MAML3: variants seen among roughly 807,000 people sequenced by gnomAD.
The protein encoded by MAML3 is mastermind-like protein 3.
Under a neutral mutation model 101.9 loss-of-function variants are expected in MAML3, and 27 were observed. That is an observed-to-expected ratio of 0.27 (90% confidence interval 0.20 to 0.37). MAML3 has a LOEUF of 0.37. MAML3 is among the 10% of genes least tolerant of loss of function. The probability of loss-of-function intolerance (pLI) is 1.00; values close to 1 mark genes in which losing one functional copy is unlikely to be tolerated. For synonymous variants in MAML3, 501 were observed against 555.9 expected, an observed-to-expected ratio of 0.90 and a Z score of 1.39; for missense variants, 1,316 against 1,444.9, an observed-to-expected ratio of 0.91 and a Z score of 1.45.
chr4:139,995,982 T>C (rs970819039), intron 1 of MAML3, among the ~76,000 whole-genome samples: 1 of 152,110 alleles, frequency 6.6e-6, no homozygotes, highest in Non-Finnish European at 1.5e-5. Context: ...TTTTAATATG[T>C]TGTGTTTTCA....
At chr4:139,978,396 T>C (rs1734383133) in intron 1 of MAML3, among the ~76,000 whole-genome samples, 1 of 152,100 alleles carries the variant, frequency 6.6e-6, no homozygotes, top group Admixed American at 6.5e-5. Context: ...AGGAAGCCTG[T>C]TGGAGTGAGC....
chr4:139,998,537 T>C (rs1205078103), intron 1 of MAML3, among the ~76,000 whole-genome samples: 3 of 152,220 alleles, frequency 2.0e-5, no homozygotes, highest in Admixed American at 6.5e-5. Context: ...TGAACACATT[T>C]GTAACAGTTT....
At chr4:139,743,049 A>G (rs1729215044) in intron 2 of MAML3, among the ~76,000 whole-genome samples, 1 of 152,096 alleles carries the variant, frequency 6.6e-6, no homozygotes, top group Admixed American at 6.5e-5. Context: ...TTTTTCCCCA[A>G]AAGCTTTCTG....
At chr4:140,152,267 ACT>A (rs1729186455) in intron 1 of MAML3, among the ~76,000 whole-genome samples, 1 of 151,778 alleles carries the variant, frequency 6.6e-6, no homozygotes, top group Non-Finnish European at 1.5e-5. Context: ...CATTCACAAA[ACT>A]CTCAGACTTT....
At chr4:139,804,319 T>C (rs957806640) in intron 2 of MAML3, among the ~76,000 whole-genome samples, 4 of 151,032 alleles carry the variant, frequency 2.6e-5, no homozygotes, top group Non-Finnish European at 5.9e-5. Flanking sequence ...CAGGCTGGAG[T>C]GCAATGGCGT....
At chr4:139,953,816 T>C (rs1475268085) in intron 1 of MAML3, among the ~76,000 whole-genome samples, 2 of 152,196 alleles carry the variant, frequency 1.3e-5, no homozygotes, top group Admixed American at 1.3e-4. Flanking sequence ...ATTCCTATAC[T>C]GCATCTGAAT....
chr4:139,914,808 A>G (rs1732998116), intron 1 of MAML3, among the ~76,000 whole-genome samples: 1 of 152,208 alleles, frequency 6.6e-6, no homozygotes, highest in Non-Finnish European at 1.5e-5. Flanking sequence ...ATTGCCCCAG[A>G]GTGTCACCTG....
At chr4:140,102,474 C>A (rs1728270469) in intron 1 of MAML3, among the ~76,000 whole-genome samples, 2 of 152,188 alleles carry the variant, frequency 1.3e-5, no homozygotes, top group South Asian at 4.1e-4. Context: ...ATGGCCGCCT[C>A]CTATCTGTGT....
rs71584333 is a variant in MAML3, at chr4:139,809,865, T to TACACACACACACAC, written c.2080-79212_2080-79199dup. Among the ~76,000 whole-genome samples, 525 of 143,050 alleles carry TACACACACACACAC rather than the reference T, an allele frequency of 3.7e-3. 3 individuals are homozygous for TACACACACACACAC. The highest frequency in any genetic ancestry group is 7.2e-3 in the Middle Eastern group (2 of 278). 93.8% of individuals were successfully genotyped at this position (143,050 alleles called of 152,430 possible). On this transcript the variant is annotated intron_variant, in intron 2 of 4. Coordinates refer to ENST00000509479, the MANE Select transcript of MAML3 (RefSeq NM_018717.5). ...AGAAATACACATTTATACCTGCACG[T>TACACACACACACAC]ACACACACACACACACACACACACA... is the stretch of plus-strand genomic sequence containing the variant.
chr4:140,143,544 T>C (rs1310674895), intron 1 of MAML3, among the ~76,000 whole-genome samples: 1 of 151,972 alleles, frequency 6.6e-6, no homozygotes, highest in Non-Finnish European at 1.5e-5. Flanking sequence ...GGGCGGATCA[T>C]GAGGTCAGGA....
At chr4:139,792,880 G>T (rs1195975762) in intron 2 of MAML3, among the ~76,000 whole-genome samples, 2 of 151,904 alleles carry the variant, frequency 1.3e-5, no homozygotes, top group East Asian at 3.9e-4. Flanking sequence ...AAGTAACTGG[G>T]ACTATAGGCG....
At chr4:139,885,173 G>C (rs1262245328) in intron 2 of MAML3, among the ~76,000 whole-genome samples, 1 of 152,124 alleles carries the variant, frequency 6.6e-6, no homozygotes, top group Non-Finnish European at 1.5e-5. Flanking sequence ...AGCCAAGGCA[G>C]GAAGATCGCT....
In MAML3 at chr4:140,111,433, T is replaced by C. The variant is rs1167627976; in HGVS notation, c.468+41427A>G. On this transcript the variant is annotated intron_variant, in intron 1 of 4. Coordinates refer to ENST00000509479, the MANE Select transcript of MAML3 (RefSeq NM_018717.5). Reference sequence around the variant, plus strand: ...TGCGTGCAAACACATGGATGTTCAGTCATCTTTGGTTAACATGGCCAATCC... The same window carrying C: ...TGCGTGCAAACACATGGATGTTCAGCCATCTTTGGTTAACATGGCCAATCC... Among the ~76,000 whole-genome samples, 3 of 152,346 alleles carry C rather than the reference T, an allele frequency of 2.0e-5. No homozygotes were observed. In the East Asian group the frequency reaches 5.8e-4, roughly 29 times the overall value.
chr4:139,731,039 T>G, intron 2 of MAML3: 1 of 226,506 alleles, frequency 4.4e-6, no homozygotes, highest in South Asian at 1.2e-4. Flanking sequence ...AGACACATCC[T>G]GACCTCACCT....
At chr4:140,115,354 T>C (rs1728501317) in intron 1 of MAML3, among the ~76,000 whole-genome samples, 1 of 152,224 alleles carries the variant, frequency 6.6e-6, no homozygotes, top group Non-Finnish European at 1.5e-5. Context: ...TTTTCACTTC[T>C]AAAATAAAAC....
intron 1 of MAML3, among the ~76,000 whole-genome samples, chr4:140,147,943 T>C (rs1729093766): frequency 6.6e-6 from 1 of 151,850 alleles, no homozygotes; most frequent in South Asian, 2.1e-4. Context: ...TGCACGTGCA[T>C]GCATGAGAGA....
At chr4:139,762,493 A>G (rs1465589476) in intron 2 of MAML3, among the ~76,000 whole-genome samples, 1 of 152,148 alleles carries the variant, frequency 6.6e-6, no homozygotes, top group Non-Finnish European at 1.5e-5. Flanking sequence ...TGATTAATAC[A>G]TTTTGATGAG....
Position 140,073,618 on chromosome 4 carries a change from C to A in MAML3, c.468+79242G>T, listed in dbSNP as rs567536336. Among the ~76,000 whole-genome samples the A allele has an allele frequency of 1.2e-4, 19 of 152,224 alleles. No individual in the cohort carries two copies. In the East Asian group the frequency reaches 3.5e-3, roughly 28 times the overall value. On this transcript the variant is annotated intron_variant, in intron 1 of 4. Transcript: ENST00000509479. ...GACATGAGATATGGGGATATCCATACCCTCCGCCTGCCATTTTGGGGACAG... is the reference window on the plus strand; with the variant it reads ...GACATGAGATATGGGGATATCCATAACCTCCGCCTGCCATTTTGGGGACAG...
At chr4:139,780,623 C>CTTTTTTTTTTTTTT (rs35929438) in intron 2 of MAML3, among the ~76,000 whole-genome samples, 1 of 136,958 alleles carries the variant, frequency 7.3e-6, no homozygotes, top group African/African-American at 2.7e-5. Context: ...TCTTTCTTTT[C>CTTTTTTTTTTTTTT]TTTTTTTTTT....
Sources: allele counts gnomAD v4.1 joint callset (sites outside exome capture counted in the v4.1 genomes callset), GRCh38; gene constraint gnomAD v4.1.1; transcripts MANE v1.5; gene names NCBI Gene and HGNC (gene_info 2026-07-23, HGNC 2026-07-21).